Variants in RTN4IP1 observed in about 807,000 individuals in gnomAD.
RTN4IP1 encodes the protein NAD(P)H oxidoreductase RTN4IP1, mitochondrial.
Under a neutral mutation model 46.6 loss-of-function variants are expected in RTN4IP1, and 32 were observed. That is an observed-to-expected ratio of 0.69 (90% CI 0.52 to 0.92). RTN4IP1 has a LOEUF of 0.92. Among genes scored for constraint, RTN4IP1 ranks in the 40% least tolerant of loss-of-function variants. RTN4IP1 has a pLI of 0.00. For missense variants in RTN4IP1, 424 were observed against 485.8 expected, an observed-to-expected ratio of 0.87 and a Z score of 1.20; for synonymous variants, 167 against 161.8, an observed-to-expected ratio of 1.03 and a Z score of -0.24.
intron 4 of RTN4IP1, among the ~76,000 whole-genome samples, chr6:106,605,624 T>C (rs933721218): frequency 2.0e-5 from 3 of 151,622 alleles, no homozygotes; most frequent in African/African-American, 7.3e-5. Flanking sequence ...CCATCCTGGC[T>C]AACATGGTGA....
At chr6:106,593,590 G>A (rs1162389016) in intron 5 of RTN4IP1, among the ~76,000 whole-genome samples, 1 of 152,142 alleles carries the variant, frequency 6.6e-6, no homozygotes, top group African/African-American at 2.4e-5. Context: ...AGGGATCTGT[G>A]TTTGTCTGGT....
At chr6:106,572,857 G>T (rs1775110900) in intron 8 of RTN4IP1, among the ~76,000 whole-genome samples, 1 of 152,156 alleles carries the variant, frequency 6.6e-6, no homozygotes, top group Non-Finnish European at 1.5e-5. Context: ...TGTGGGATAG[G>T]GGACTAAGCC....
In RTN4IP1 at chr6:106,572,015, G is replaced by T; in HGVS notation, c.1172C>A (p.Thr391Asn). 2 of 1,612,346 alleles carry T rather than the reference G, an allele frequency of 1.2e-6. No homozygotes were observed. The highest frequency in any genetic ancestry group is 1.7e-6 in the Non-Finnish European group (2 of 1,178,492). The change falls in exon 9 of 9, where the codon ACT (threonine) becomes AAT (asparagine). Residue 391 changes from threonine (T) to asparagine (N), a missense_variant. Coordinates refer to ENST00000369063, the MANE Select transcript of RTN4IP1 (RefSeq NM_032730.5). ...KVERGHARGK[T>N]VINVV ...TTTTATTTAAACAACATTAATTACAGTCTTTCCTCGTGCGTGTCCTCTTTC... is the reference window on the plus strand; with the variant it reads ...TTTTATTTAAACAACATTAATTACATTCTTTCCTCGTGCGTGTCCTCTTTC...
intron 2 of RTN4IP1, among the ~76,000 whole-genome samples, chr6:106,622,128 A>G (rs1360545660): frequency 6.6e-6 from 1 of 152,092 alleles, no homozygotes; most frequent in Non-Finnish European, 1.5e-5. Flanking sequence ...TACAGTCAAG[A>G]TATTTTGGAA....
intron 1 of RTN4IP1, among the ~76,000 whole-genome samples, chr6:106,626,885 AT>A (rs1776663140): frequency 6.6e-6 from 1 of 152,266 alleles, no homozygotes; most frequent in East Asian, 1.9e-4. Flanking sequence ...TGTTGGCTGC[AT>A]TTTTTCCCCA....
rs200183454 is a variant in RTN4IP1, at chr6:106,583,460, C to T, written c.991-40G>A. On this transcript the variant is annotated intron_variant, in intron 7 of 8. Coordinates refer to ENST00000369063, the MANE Select transcript of RTN4IP1 (RefSeq NM_032730.5). ...ACAAAACATGTCAAATACAGAAAAACATAAAATCTGACTAAATGCAGATTT... is the reference window on the plus strand; with the variant it reads ...ACAAAACATGTCAAATACAGAAAAATATAAAATCTGACTAAATGCAGATTT... 92 of 1,514,250 alleles carry T rather than the reference C, an allele frequency of 6.1e-5. No homozygotes were observed. In the East Asian group the frequency reaches 2.0e-3, roughly 33 times the overall value. The allele number at this position is 1,514,250 out of a possible 1,614,324, so 93.8% of individuals were successfully genotyped here. A position where few individuals can be genotyped will look rare whatever the true frequency, so the allele number is the denominator to read the frequency against.
upstream of RTN4IP1, among the ~76,000 whole-genome samples, chr6:106,629,868 C>A (rs934115555): frequency 2.0e-5 from 3 of 152,186 alleles, no homozygotes; most frequent in Non-Finnish European, 4.4e-5. Flanking sequence ...GTGTACTCGC[C>A]GTACCCATTC....
Position 106,621,474 on chromosome 6 carries a change from G to A in RTN4IP1, c.446C>T (p.Pro149Leu), listed in dbSNP as rs779046567. The change falls in exon 3 of 9, where the codon CCT becomes CTT. Residue 149 changes from proline to leucine, a missense_variant. Physicochemically the swap from Pro to Leu is moderately conservative, Grantham distance 98. Coordinates refer to ENST00000369063, the MANE Select transcript of RTN4IP1 (RefSeq NM_032730.5). ...CTCTGAAAGAGTGCCTTGTTTCCAA[G>A]GAGGAACTGCAGCCCAGACCTGAAA... ...PGDEVWAAVPPWKQGTLSEFV... is the reference protein window; with the variant it reads ...PGDEVWAAVPLWKQGTLSEFV... The A allele has an allele frequency of 6.2e-7, 1 of 1,613,882 alleles. No homozygotes were observed. Among genetic ancestry groups the A allele is most frequent in the Non-Finnish European group, 8.5e-7 (1 of 1,179,898 alleles).
chr6:106,582,443 T>C (rs1218176346), intron 8 of RTN4IP1, among the ~76,000 whole-genome samples: 1 of 152,094 alleles, frequency 6.6e-6, no homozygotes, highest in Non-Finnish European at 1.5e-5. Context: ...AGCTGAAAGG[T>C]GGAGAGGGAA....
chr6:106,587,624 A>T, intron 7 of RTN4IP1, 55 bp downstream of exon 7: 1 of 1,537,452 alleles, frequency 6.5e-7, no homozygotes, highest in Non-Finnish European at 8.8e-7. Context: ...GTGGGAAACC[A>T]ATTTCTAGCA....
chr6:106,619,319 TGA>T lies in RTN4IP1; in HGVS notation c.501_502del (p.His168GlnfsTer32). ...AGTATGAGTGAGTGATTTGGGTTTG[TGA>T]GAGACCTACATTTGAAGACAACAGT... On this transcript the variant is annotated frameshift_variant, in exon 4 of 9. Coordinates refer to ENST00000369063, the MANE Select transcript of RTN4IP1 (RefSeq NM_032730.5). LOFTEE classifies it high-confidence loss of function. 1.2e-6 allele frequency: 2 copies of T among 1,614,094 alleles called. No homozygotes were observed. Among genetic ancestry groups the T allele is most frequent in the Non-Finnish European group, 1.7e-6 (2 of 1,180,002 alleles).
chr6:106,614,437 G>A (rs1776300092), intron 4 of RTN4IP1, among the ~76,000 whole-genome samples: 1 of 152,152 alleles, frequency 6.6e-6, no homozygotes, highest in Non-Finnish European at 1.5e-5. Flanking sequence ...AACTCAGTAA[G>A]AGGACAGAGT....
At chr6:106,580,739 G>A (rs904238373) in intron 8 of RTN4IP1, among the ~76,000 whole-genome samples, 27 of 143,668 alleles carry the variant, frequency 1.9e-4, no homozygotes, top group Admixed American at 9.1e-4. Context: ...AAAAAAAAAC[G>A]ATCAAAATTA....
chr6:106,605,296 C>T (rs1403567495), intron 4 of RTN4IP1, among the ~76,000 whole-genome samples: 2 of 150,950 alleles, frequency 1.3e-5, no homozygotes, highest in Non-Finnish European at 3.0e-5. Flanking sequence ...TAGCTGGGCA[C>T]GGTGGCACAC....
intron 8 of RTN4IP1, among the ~76,000 whole-genome samples, chr6:106,573,627 C>A (rs1325581980): frequency 6.6e-6 from 1 of 152,172 alleles, no homozygotes; most frequent in Admixed American, 6.5e-5. Context: ...ACTGTTATTC[C>A]CATTTTACAG....
rs1198435226 is a variant in RTN4IP1 at position 106,571,497 on chromosome 6, G to A, written c.*499C>T. 1 of 154,828 alleles carries A rather than the reference G, an allele frequency of 6.5e-6. No individual in the cohort carries two copies. Among genetic ancestry groups the A allele is most frequent in the Non-Finnish European group, 1.4e-5 (1 of 70,016 alleles). 9.6% of individuals were successfully genotyped at this position (154,828 alleles called of 1,614,324 possible). ...GTGGATCACTTAAGCCCAGGAGTTT[G>A]AGACCAGCCTGGGCAACATGGCAAA... On this transcript the variant is annotated 3_prime_UTR_variant, in exon 9 of 9. Coordinates refer to ENST00000369063, the MANE Select transcript of RTN4IP1 (RefSeq NM_032730.5).
At chr6:106,590,949 A>G (rs1451338475) in intron 6 of RTN4IP1, among the ~76,000 whole-genome samples, 1 of 152,102 alleles carries the variant, frequency 6.6e-6, no homozygotes, top group Non-Finnish European at 1.5e-5. Context: ...CAGCTGGAAC[A>G]ATTGTTCTCC....
chr6:106,585,437 C>T (rs538933143), intron 7 of RTN4IP1, among the ~76,000 whole-genome samples: 60 of 152,328 alleles, frequency 3.9e-4, no homozygotes, highest in Non-Finnish European at 7.3e-4. Flanking sequence ...AAATACTTTT[C>T]CCTAAGGTCT....
At position 106,619,130 on chromosome 6, in the gene RTN4IP1, C is replaced by G. The variant is rs921169818; in HGVS notation, c.620+72G>C. The stretch of plus-strand genomic sequence containing the variant: ...ATGATACTAAATTTCAAAGCTCTGA[C>G]AAATCTACTGCAAGGAACTCACAGA... On this transcript the variant is annotated intron_variant, in intron 4 of 8. Transcript: ENST00000369063. The G allele has an allele frequency of 3.9e-6, 6 of 1,543,832 alleles. No individual in the cohort carries two copies. In the Admixed American group the frequency reaches 9.0e-5, roughly 23 times the overall value.
Sources: gnomAD v4.1 joint callset for allele counts (sites outside exome capture counted in the v4.1 genomes callset) on GRCh38, gnomAD v4.1.1 for gene constraint, MANE v1.5 for transcripts, NCBI Gene and HGNC (gene_info 2026-07-23, HGNC 2026-07-21) for gene names.